Variants in SH3GL2 observed in about 807,000 individuals in gnomAD.
SH3GL2 encodes endophilin-A1.
A neutral mutation model predicts 46.0 loss-of-function variants in SH3GL2; 24 were observed. That is an observed-to-expected ratio of 0.52 (90% CI 0.38 to 0.73). SH3GL2 has a LOEUF of 0.73. SH3GL2 is among the 30% of genes least tolerant of loss of function. The probability of loss-of-function intolerance (pLI) is 0.00; values close to 1 mark genes in which losing one functional copy is unlikely to be tolerated. For synonymous variants in SH3GL2, 196 were observed against 147.1 expected, an observed-to-expected ratio of 1.33 and a Z score of -2.40; for missense variants, 413 against 424.2, an observed-to-expected ratio of 0.97 and a Z score of 0.23.
chr9:17,730,145 GT>G, intron 1 of SH3GL2, among the ~76,000 whole-genome samples: 1 of 152,252 alleles, frequency 6.6e-6, no homozygotes, highest in African/African-American at 2.4e-5. Context: ...CTTGAGCAGT[GT>G]CATGTACTTC....
chr9:17,656,770 C>CAAAAAAAAAAAAAAAAAAAAA (rs36079244), intron 1 of SH3GL2, among the ~76,000 whole-genome samples: 2 of 101,566 alleles, frequency 2.0e-5, no homozygotes, highest in African/African-American at 3.6e-5. Flanking sequence ...GACTACATCT[C>CAAAAAAAAAAAAAAAAAAAAA]AAAAAAAAAA....
At chr9:17,740,701 AT>A (rs879819316) in intron 1 of SH3GL2, among the ~76,000 whole-genome samples, 36 of 152,158 alleles carry the variant, frequency 2.4e-4, no homozygotes, top group African/African-American at 6.0e-4. Context: ...TTACATTTAG[AT>A]TTTTTTGCTA....
chr9:17,607,341 A>C (rs1314701006), intron 1 of SH3GL2, among the ~76,000 whole-genome samples: 1 of 152,232 alleles, frequency 6.6e-6, no homozygotes, highest in East Asian at 1.9e-4. Context: ...AAACATATTT[A>C]AATGTAGAAA....
intron 1 of SH3GL2, chr9:17,589,491 G>A (rs758443185): frequency 2.0e-5 from 3 of 152,154 alleles, no homozygotes; most frequent in Non-Finnish European, 2.9e-5. Context: ...TTGCTGAGCA[G>A]TACCTTAGCC....
chr9:17,669,151 A>G (rs112614252), intron 1 of SH3GL2, among the ~76,000 whole-genome samples: 48 of 152,210 alleles, frequency 3.2e-4, no homozygotes, highest in African/African-American at 1.2e-3. Flanking sequence ...TGTAAGAAAT[A>G]ATACAGAGAT....
intron 1 of SH3GL2, among the ~76,000 whole-genome samples, chr9:17,587,909 A>T (rs1457850354): frequency 1.3e-5 from 2 of 152,010 alleles, no homozygotes; most frequent in East Asian, 3.9e-4. Context: ...CAAAAAAAAA[A>T]AACCAGAAAA....
At chr9:17,587,226 G>A (rs912014566) in intron 1 of SH3GL2, among the ~76,000 whole-genome samples, 1 of 152,014 alleles carries the variant, frequency 6.6e-6, no homozygotes, top group African/African-American at 2.4e-5. Context: ...AAAACAAAAA[G>A]TACAGGAAAT....
intron 1 of SH3GL2, among the ~76,000 whole-genome samples, chr9:17,679,210 A>G (rs1820698566): frequency 6.6e-6 from 1 of 152,192 alleles, no homozygotes; most frequent in Non-Finnish European, 1.5e-5. Flanking sequence ...TGAATCCATA[A>G]ATTACCTTGG....
intron 1 of SH3GL2, among the ~76,000 whole-genome samples, chr9:17,623,491 A>G (rs149277125): frequency 1.7e-3 from 263 of 152,328 alleles, no homozygotes; most frequent in African/African-American, 5.8e-3. Flanking sequence ...CAAGTCAGAG[A>G]GAAATCCAGA....
intron 1 of SH3GL2, among the ~76,000 whole-genome samples, chr9:17,644,016 T>C (rs1415494722): frequency 6.6e-6 from 1 of 152,182 alleles, no homozygotes; most frequent in Non-Finnish European, 1.5e-5. Flanking sequence ...TCAGAACTTG[T>C]TATTGGTCTG....
intron 2 of SH3GL2, among the ~76,000 whole-genome samples, chr9:17,756,332 T>C (rs996470054): frequency 6.6e-6 from 1 of 152,132 alleles, no homozygotes; most frequent in African/African-American, 2.4e-5. Flanking sequence ...TTTTATTTTT[T>C]ATTATACTTT....
At chr9:17,624,026 C>T (rs577429728) in intron 1 of SH3GL2, among the ~76,000 whole-genome samples, 143 of 152,272 alleles carry the variant, frequency 9.4e-4, no homozygotes, top group African/African-American at 3.1e-3. Context: ...TTCATTCGTT[C>T]GTTTCTTTTA....
intron 1 of SH3GL2, among the ~76,000 whole-genome samples, chr9:17,644,122 G>A (rs1027828681): frequency 2.0e-5 from 3 of 152,180 alleles, no homozygotes; most frequent in Non-Finnish European, 2.9e-5. Flanking sequence ...TATTTGCATA[G>A]AGATGTTTAT....
intron 1 of SH3GL2, among the ~76,000 whole-genome samples, chr9:17,654,580 TAAAGATG>T (rs2134672663): frequency 6.6e-6 from 1 of 152,326 alleles, no homozygotes; most frequent in East Asian, 1.9e-4. Context: ...GAATAGAATT[TAAAGATG>T]AAAGTTAATC....
intron 1 of SH3GL2, among the ~76,000 whole-genome samples, chr9:17,610,739 T>A (rs1020775010): frequency 3.3e-5 from 5 of 152,104 alleles, no homozygotes; most frequent in African/African-American, 1.2e-4. Flanking sequence ...GTTTTTTTTT[T>A]AATAAAAGCG....
intron 1 of SH3GL2, among the ~76,000 whole-genome samples, chr9:17,693,197 G>C (rs1295625419): frequency 6.6e-6 from 1 of 152,150 alleles, no homozygotes; most frequent in Non-Finnish European, 1.5e-5. Flanking sequence ...GAAATTTACT[G>C]AGTGTCTGTT....
At chr9:17,588,184 G>A (rs1281499264) in intron 1 of SH3GL2, among the ~76,000 whole-genome samples, 1 of 152,158 alleles carries the variant, frequency 6.6e-6, no homozygotes, top group African/African-American at 2.4e-5. Context: ...GTAACATATG[G>A]TTTTCAAGGT....
chr9:17,688,631 C>G (rs908284883), intron 1 of SH3GL2, among the ~76,000 whole-genome samples: 1 of 151,624 alleles, frequency 6.6e-6, no homozygotes, highest in Admixed American at 6.6e-5. Context: ...TTTTGTAGTG[C>G]GAGAGAGGAA....
At chr9:17,618,700 T>G (rs945027904) in intron 1 of SH3GL2, among the ~76,000 whole-genome samples, 3 of 152,178 alleles carry the variant, frequency 2.0e-5, no homozygotes, top group African/African-American at 7.2e-5. Context: ...TTTGTAACAT[T>G]CTATACTTGG....
Sources: gnomAD v4.1 joint callset for allele counts (sites outside exome capture counted in the v4.1 genomes callset) on GRCh38, gnomAD v4.1.1 for gene constraint, MANE v1.5 for transcripts, NCBI Gene and HGNC (gene_info 2026-07-23, HGNC 2026-07-21) for gene names.